The following CNNM2 variants were observed in gnomAD, a reference collection of about 807,000 sequenced individuals.
The protein encoded by CNNM2 is cyclin and CBS domain divalent metal cation transport mediator 2, also known as metal transporter CNNM2.
Under a neutral mutation model 66.9 loss-of-function variants are expected in CNNM2, and 12 were observed. The ratio of observed to expected loss-of-function variants is 0.18; its 90% CI spans 0.11 to 0.29. The LOEUF is 0.29. Ranked by LOEUF, CNNM2 falls within the 10% of genes least tolerant of loss-of-function variation. CNNM2 has a pLI of 1.00. For missense variants in CNNM2, 705 were observed against 1,167.7 expected (o/e 0.60, Z 5.77); for synonymous variants, 557 against 501.8 (o/e 1.11, Z -1.47).
At chr10:102,942,481 A>G (rs1175383827) in intron 1 of CNNM2, among the ~76,000 whole-genome samples, 1 of 152,216 alleles carries the variant, frequency 6.6e-6, no homozygotes, top group Non-Finnish European at 1.5e-5. Context: ...TCCATGTTGT[A>G]GCATGTGTCA....
chr10:102,987,835 C>T (rs1241088150), intron 1 of CNNM2, among the ~76,000 whole-genome samples: 1 of 152,120 alleles, frequency 6.6e-6, no homozygotes, highest in Non-Finnish European at 1.5e-5. Flanking sequence ...CAGGAATTAT[C>T]ACTATTTTCC....
At chr10:102,945,728 C>T (rs183075496) in intron 1 of CNNM2, among the ~76,000 whole-genome samples, 1 of 152,274 alleles carries the variant, frequency 6.6e-6, no homozygotes, top group East Asian at 1.9e-4. Context: ...AGGCCTTTAC[C>T]TACCTGCAGG....
chr10:103,077,557 T>A lies in CNNM2; in HGVS notation c.*377T>A. On this transcript the variant is annotated 3_prime_UTR_variant, in exon 8 of 8. Transcript: ENST00000369878. ...AGAGATCATGTTTTTAAAGTGTCTT[T>A]TGCAGAGTTTTAAGTTGTTCTGTCT... 1 of 236,208 alleles carries A rather than the reference T, an allele frequency of 4.2e-6. No homozygotes were observed. Among genetic ancestry groups the A allele is most frequent in the South Asian group, 6.8e-5 (1 of 14,788 alleles). 14.6% of individuals were successfully genotyped at this position (236,208 alleles called of 1,614,324 possible). A position where few individuals can be genotyped will look rare whatever the true frequency, so the allele number is the denominator to read the frequency against.
intron 1 of CNNM2, among the ~76,000 whole-genome samples, chr10:103,014,457 A>C (rs1475515957): frequency 1.3e-5 from 2 of 152,172 alleles, no homozygotes; most frequent in Non-Finnish European, 2.9e-5. Context: ...GAGGCACAAA[A>C]ATTCGAGTAA....
chr10:103,034,972 CAAAAAA>C (rs71019651), intron 1 of CNNM2, among the ~76,000 whole-genome samples: 2 of 71,138 alleles, frequency 2.8e-5, no homozygotes, highest in African/African-American at 1.2e-4. Context: ...GACTCCGTCT[CAAAAAA>C]AAAAAAAAAA....
At position 103,007,611 on chromosome 10, in the gene CNNM2, G is replaced by A. The variant is rs531709772; in HGVS notation, c.1622-42096G>A. On this transcript the variant is annotated intron_variant, in intron 1 of 7. Transcript: ENST00000369878. ...CGATATCTTCCCTACTTGCACATCC[G>A]TTTATAGGCTCTCTGCAAGAAGAAA... is the stretch of plus-strand genomic sequence containing the variant. Among the ~76,000 whole-genome samples, 17 of 152,178 alleles carry A rather than the reference G, an allele frequency of 1.1e-4. 1 individual carries two copies. The East Asian group carries it at 3.1e-3, about 28-fold the overall frequency.
chr10:102,995,190 C>CTTT (rs1803881090), intron 1 of CNNM2, among the ~76,000 whole-genome samples: 1 of 314 alleles, frequency 3.2e-3, no homozygotes, highest in Non-Finnish European at 5.9e-3. Context: ...TCCTCCTCCC[C>CTTT]CTCTTCCTCC....
At position 103,079,473 on chromosome 10, in the gene CNNM2, T is replaced by C. The variant is rs72843983; in HGVS notation, c.*2293T>C. 0.04 allele frequency: 6,118 copies of C among 152,286 alleles called. 141 individuals carry two copies. The highest frequency in any genetic ancestry group is 0.052 in the Non-Finnish European group (3,554 of 68,056). The allele number at this position is 152,286 out of a possible 1,614,324, so 9.4% of individuals were successfully genotyped here. On this transcript the variant is annotated 3_prime_UTR_variant, in exon 8 of 8. Transcript: ENST00000369878. ...GGAGAGCCTCTGGAATCAGAGCTAG[T>C]GTGTTGGTGCCCTTTTCAGAGCTCT...
intron 4 of CNNM2, among the ~76,000 whole-genome samples, chr10:103,063,814 G>A (rs1811237805): frequency 6.6e-6 from 1 of 152,080 alleles, no homozygotes; most frequent in South Asian, 2.1e-4. Flanking sequence ...ACTTACAGAT[G>A]TTTCAAAAGT....
intron 1 of CNNM2, among the ~76,000 whole-genome samples, chr10:103,021,782 C>A (rs955480950): frequency 6.6e-6 from 1 of 152,064 alleles, no homozygotes; most frequent in African/African-American, 2.4e-5. Flanking sequence ...TCTATGGTTT[C>A]AAAACAGGAG....
At chr10:103,073,257 G>A (rs1395064502) in intron 6 of CNNM2, among the ~76,000 whole-genome samples, 3 of 152,258 alleles carry the variant, frequency 2.0e-5, no homozygotes, top group Non-Finnish European at 2.9e-5. Flanking sequence ...TGCTTTGGAA[G>A]ATCAGAGAAA....
rs1244708758 is a variant in CNNM2 at position 102,971,247 on chromosome 10, T to TA, written c.1621+51160dup. ...TATGGTGACTTAGAGACCTCGTCCCTAAAAAAAAAAAAAAGAAAAAAAAAA... is the reference window on the plus strand; with the variant it reads ...TATGGTGACTTAGAGACCTCGTCCCTAAAAAAAAAAAAAAAGAAAAAAAAAA... On this transcript the variant is annotated intron_variant, in intron 1 of 7. Coordinates refer to ENST00000369878, the MANE Select transcript of CNNM2 (RefSeq NM_017649.5). Among the ~76,000 whole-genome samples, 745 of 78,564 alleles carry TA rather than the reference T, an allele frequency of 9.5e-3. 3 individuals carry two copies. Among genetic ancestry groups the TA allele is most frequent in the African/African-American group, 0.02 (401 of 20,536 alleles). 51.5% of individuals were successfully genotyped at this position (78,564 alleles called of 152,430 possible). A position where few individuals can be genotyped will look rare whatever the true frequency, so the allele number is the denominator to read the frequency against.
At chr10:103,000,507 G>C (rs2064098511) in intron 1 of CNNM2, among the ~76,000 whole-genome samples, 1 of 151,934 alleles carries the variant, frequency 6.6e-6, no homozygotes, top group Admixed American at 6.6e-5. Flanking sequence ...AGGATGGAGT[G>C]CAGTGGTGCA....
At chr10:102,960,733 C>T (rs1034940481) in intron 1 of CNNM2, among the ~76,000 whole-genome samples, 1 of 151,354 alleles carries the variant, frequency 6.6e-6, no homozygotes, top group African/African-American at 2.4e-5. Flanking sequence ...TATCCTCCCG[C>T]CTCAGCCTCC....
chr10:103,055,281 C>G (rs567576806), intron 3 of CNNM2, among the ~76,000 whole-genome samples: 21 of 152,316 alleles, frequency 1.4e-4, no homozygotes, highest in African/African-American at 4.8e-4. Flanking sequence ...CAGCCAGTGC[C>G]TTTCATCTGC....
At chr10:102,935,158 C>CAAAAAA (rs71753183) in intron 1 of CNNM2, among the ~76,000 whole-genome samples, 4 of 82,466 alleles carry the variant, frequency 4.9e-5, no homozygotes, top group Admixed American at 1.4e-4. Context: ...GACTCCATCT[C>CAAAAAA]AAAAAAAAAA....
intron 1 of CNNM2, among the ~76,000 whole-genome samples, chr10:102,929,336 G>C (rs1845987358): frequency 6.6e-6 from 1 of 152,032 alleles, no homozygotes; most frequent in South Asian, 2.1e-4. Flanking sequence ...GAAGCTTTTA[G>C]GAAAGCTGAG....
intron 1 of CNNM2, among the ~76,000 whole-genome samples, chr10:102,971,180 T>A (rs1337395949): frequency 6.8e-6 from 1 of 146,470 alleles, no homozygotes; most frequent in Non-Finnish European, 1.5e-5. Context: ...CCAGCCTGGG[T>A]GACAGAGTGA....
intron 1 of CNNM2, among the ~76,000 whole-genome samples, chr10:103,044,294 T>C (rs577083982): frequency 1.7e-4 from 26 of 152,298 alleles, no homozygotes; most frequent in Non-Finnish European, 2.5e-4. Flanking sequence ...TTTGAAAATT[T>C]ATGTATTGAA....
Sources: gnomAD v4.1 joint callset for allele counts (sites outside exome capture counted in the v4.1 genomes callset) on GRCh38, gnomAD v4.1.1 for gene constraint, MANE v1.5 for transcripts, NCBI Gene and HGNC (gene_info 2026-07-23, HGNC 2026-07-21) for gene names.